ARID1B: variants seen among roughly 807,000 people sequenced by gnomAD.
ARID1B encodes the protein AT-rich interaction domain 1B.
Under a neutral mutation model 212.3 loss-of-function variants are expected in ARID1B, and 30 were observed. The ratio of observed to expected loss-of-function variants is 0.14; its 90% confidence interval spans 0.11 to 0.19. ARID1B has a LOEUF of 0.19. Ranked by LOEUF, ARID1B falls within the 10% of genes least tolerant of loss-of-function variation. The pLI, the probability that ARID1B is intolerant of heterozygous loss-of-function variation, is 1.00. For missense variants in ARID1B, 2,891 were observed against 3,204.0 expected (o/e 0.90, Z 2.36); for synonymous variants, 1,402 against 1,301.7 (o/e 1.08, Z -1.66).
chr6:156,886,550 C>G (rs1787517920), intron 2 of ARID1B, among the ~76,000 whole-genome samples: 1 of 152,178 alleles, frequency 6.6e-6, no homozygotes. Context: ...TTGTCCCAGT[C>G]TGAGTGGCTG....
At chr6:156,962,607 C>G (rs563041729) in intron 4 of ARID1B, among the ~76,000 whole-genome samples, 3 of 152,188 alleles carry the variant, frequency 2.0e-5, no homozygotes, top group Middle Eastern at 6.8e-3. Context: ...TTCAGCCCCC[C>G]AAGTAGCTGG....
At chr6:156,820,517 A>G (rs1467142470) in intron 1 of ARID1B, among the ~76,000 whole-genome samples, 1 of 152,314 alleles carries the variant, frequency 6.6e-6, no homozygotes, top group South Asian at 2.1e-4. Flanking sequence ...TCAATTTGCT[A>G]ATTTGTTAAG....
intron 4 of ARID1B, among the ~76,000 whole-genome samples, chr6:156,953,453 C>T (rs970237022): frequency 1.3e-5 from 2 of 152,066 alleles, no homozygotes; most frequent in Non-Finnish European, 2.9e-5. Flanking sequence ...TTTATTTTCT[C>T]CTGGGAGCAA....
chr6:157,149,008 C>T (rs756874696), intron 8 of ARID1B, 57 bp downstream of exon 8: 8 of 1,512,304 alleles, frequency 5.3e-6, no homozygotes, highest in African/African-American at 4.1e-5. Flanking sequence ...CCCGTGACCA[C>T]GTGACTGCGC....
intron 4 of ARID1B, among the ~76,000 whole-genome samples, chr6:156,949,676 T>C (rs951324189): frequency 5.3e-5 from 8 of 152,256 alleles, no homozygotes; most frequent in African/African-American, 1.9e-4. Context: ...ATGCAGAGAA[T>C]GTTGGTGTAA....
At chr6:156,831,887 A>T (rs1783167228) in intron 2 of ARID1B, among the ~76,000 whole-genome samples, 2 of 152,252 alleles carry the variant, frequency 1.3e-5, no homozygotes, top group Non-Finnish European at 2.9e-5. Context: ...TCTGGTAAGA[A>T]ATTGAATATC....
At chr6:156,908,620 T>C (rs1032210093) in intron 3 of ARID1B, among the ~76,000 whole-genome samples, 19 of 152,178 alleles carry the variant, frequency 1.2e-4, no homozygotes, top group African/African-American at 4.6e-4. Context: ...ATTTTTTGTT[T>C]GATGAAGCTA....
At chr6:156,970,655 C>T (rs915330819) in intron 4 of ARID1B, among the ~76,000 whole-genome samples, 5 of 152,202 alleles carry the variant, frequency 3.3e-5, no homozygotes, top group African/African-American at 1.2e-4. Context: ...GGTTATAGAG[C>T]AACTGTCTGT....
intron 4 of ARID1B, among the ~76,000 whole-genome samples, chr6:157,070,056 A>G (rs182651475): frequency 1.1e-3 from 173 of 152,320 alleles, no homozygotes; most frequent in African/African-American, 4.0e-3. Flanking sequence ...ATACCTAAGA[A>G]AAAAGACTAG....
rs779239519 is a variant in ARID1B, at chr6:156,901,458, C to T, written c.2069C>T (p.Pro690Leu). The T allele has an allele frequency of 8.7e-6, 14 of 1,614,078 alleles. No homozygotes were observed. Among genetic ancestry groups the T allele is most frequent in the Non-Finnish European group, 1.2e-5 (14 of 1,180,040 alleles). Reference sequence around the variant, plus strand: ...CCATATTACAGCCAGCAGCCGCAGCCCCCGCACCTCCCACCCCAGGCGCAG... The same window carrying T: ...CCATATTACAGCCAGCAGCCGCAGCTCCCGCACCTCCCACCCCAGGCGCAG... ...QQPYYSQQPQPPHLPPQAQYL... is the reference protein window; with the variant it reads ...QQPYYSQQPQLPHLPPQAQYL... Residue 690 changes from proline (P) to leucine (L), a missense_variant, in exon 3 of 20, where the codon CCC (proline) becomes CTC (leucine). By Grantham distance (98) the Pro-to-Leu change is moderately conservative (BLOSUM62 -3). This residue lies in a region of ARID1B where 1,643 missense variants were observed against 1,544.0 expected (regional missense o/e 1.06). Coordinates refer to ENST00000636930, the MANE Select transcript of ARID1B (RefSeq NM_001374828.1).
In ARID1B at chr6:156,778,121, C is replaced by T. The variant is rs1416475816; in HGVS notation, c.441C>T (p.Leu147=). ...GCTCGGCCATGGAGACGGGGCTGCTCCCCAACCACAAACTGAAAACCGTTG... is the reference window on the plus strand; with the variant it reads ...GCTCGGCCATGGAGACGGGGCTGCTTCCCAACCACAAACTGAAAACCGTTG... ...GPGSAMETGL[L]PNHKLKTVGE... Residue 147 remains leucine, a synonymous_variant, in exon 1 of 20, where the codon CTC becomes CTT. Transcript: ENST00000636930. 5 of 1,541,518 alleles carry T rather than the reference C, an allele frequency of 3.2e-6. No individual in the cohort carries two copies. The highest frequency in any genetic ancestry group is 4.4e-6 in the Non-Finnish European group (5 of 1,146,264).
At chr6:156,886,200 ATTGT>A (rs1415159058) in intron 2 of ARID1B, among the ~76,000 whole-genome samples, 1 of 151,990 alleles carries the variant, frequency 6.6e-6, no homozygotes, top group Non-Finnish European at 1.5e-5. Flanking sequence ...TGTTGCTGTT[ATTGT>A]TTGTTTGTTT....
At chr6:157,140,300 T>C (rs959315520) in intron 7 of ARID1B, among the ~76,000 whole-genome samples, 1 of 151,942 alleles carries the variant, frequency 6.6e-6, no homozygotes, top group Non-Finnish European at 1.5e-5. Context: ...TGAAACCCCA[T>C]CTCTATTAAA....
intron 1 of ARID1B, among the ~76,000 whole-genome samples, chr6:156,797,051 C>T (rs1256607509): frequency 2.0e-5 from 3 of 152,186 alleles, no homozygotes; most frequent in East Asian, 3.8e-4. Context: ...AGTTGATTGC[C>T]AGCAGCTGCC....
intron 12 of ARID1B, among the ~76,000 whole-genome samples, chr6:157,182,380 C>T (rs543371894): frequency 8.5e-5 from 13 of 152,328 alleles, no homozygotes; most frequent in African/African-American, 3.1e-4. Flanking sequence ...GTTCTGGAGT[C>T]CAGCTATGCA....
At chr6:157,188,850 C>G (rs943197805) in intron 13 of ARID1B, among the ~76,000 whole-genome samples, 2 of 152,178 alleles carry the variant, frequency 1.3e-5, no homozygotes, top group African/African-American at 4.8e-5. Context: ...GCAAATGTTA[C>G]GTTTTTCCCT....
At chr6:156,888,821 AAT>A (rs1048088849) in intron 2 of ARID1B, among the ~76,000 whole-genome samples, 1 of 152,222 alleles carries the variant, frequency 6.6e-6, no homozygotes, top group Admixed American at 6.5e-5. Flanking sequence ...CCTTCACAGG[AAT>A]AGAGTTTTAC....
intron 3 of ARID1B, among the ~76,000 whole-genome samples, chr6:156,910,701 C>T (rs552630012): frequency 6.6e-6 from 1 of 152,188 alleles, no homozygotes; most frequent in Non-Finnish European, 1.5e-5. Context: ...AGCATCTAAT[C>T]TGCCATACTG....
In ARID1B at chr6:157,094,883, A is replaced by G. The variant is rs1202268507; in HGVS notation, c.2491+9978A>G. Among the ~76,000 whole-genome samples the G allele has an allele frequency of 1.3e-5, 2 of 152,180 alleles. No individual in the cohort carries two copies. The highest frequency in any genetic ancestry group is 2.9e-5 in the Non-Finnish European group (2 of 68,040). On this transcript the variant is annotated intron_variant, in intron 5 of 19. Coordinates refer to ENST00000636930, the MANE Select transcript of ARID1B (RefSeq NM_001374828.1). This position sits in a 1 kb window ranked among gnomAD's most constrained non-coding sequence, Gnocchi z 4.3. ...GTAGTGGCAGAAGGAGTTTGGCCGA[A>G]GGAATTGGTAAATGATGGTTCTGTA...
Sources: allele counts gnomAD v4.1 joint callset (sites outside exome capture counted in the v4.1 genomes callset), GRCh38; gene constraint gnomAD v4.1.1; regional missense constraint gnomAD v4.1.1; non-coding constraint Gnocchi (gnomAD v3.1); transcripts MANE v1.5; gene names NCBI Gene and HGNC (gene_info 2026-07-23, HGNC 2026-07-21).